ITPKA: variants seen among roughly 807,000 people sequenced by gnomAD.
ITPKA encodes the protein IP3 3-kinase A.
ITPKA carries 16 observed loss-of-function variants against 40.7 expected under a neutral mutation model. The observed-to-expected ratio is 0.39, with a 90% CI of 0.27 to 0.60. ITPKA has a LOEUF of 0.60. ITPKA is among the 20% of genes least tolerant of loss of function. The pLI is 0.50. For missense variants in ITPKA, 540 were observed against 649.3 expected (o/e 0.83, Z 1.83); for synonymous variants, 313 against 289.9 (o/e 1.08, Z -0.81).
chr15:41,502,013 G>A lies in ITPKA; in HGVS notation c.820G>A (p.Glu274Lys). 6.2e-7 allele frequency: 1 copy of A among 1,613,278 alleles called. No homozygotes were observed. Among genetic ancestry groups the A allele is most frequent in the Non-Finnish European group, 8.5e-7 (1 of 1,179,936 alleles). ...CCCCCACAGGACTTACCTAGAGGAG[G>A]AGCTGACCAAGGCCCGTGAGCGGCC... ...KMGVRTYLEE[E>K]LTKARERPKL... Residue 274 changes from glutamate (E) to lysine (K), a missense_variant, in exon 4 of 7, where the codon GAG (glutamate) becomes AAG (lysine). Glu to Lys is a moderately conservative substitution (Grantham distance 56). Transcript: ENST00000260386.
chr15:41,501,976 C>G, intron 3 of ITPKA, 21 bp from the exon 4 acceptor site: 1 of 1,608,194 alleles, frequency 6.2e-7, no homozygotes, highest in East Asian at 2.2e-5. Flanking sequence ...CATGCCCTGG[C>G]CGCTGCCTGC....
At chr15:41,498,987 TA>T (rs991094780) in intron 1 of ITPKA, among the ~76,000 whole-genome samples, 2 of 152,054 alleles carry the variant, frequency 1.3e-5, no homozygotes. Flanking sequence ...TTTCCTTCTG[TA>T]AAATGGGAAT....
intron 1 of ITPKA, among the ~76,000 whole-genome samples, chr15:41,499,482 C>T (rs1175346857): frequency 6.6e-6 from 1 of 152,214 alleles, no homozygotes; most frequent in Non-Finnish European, 1.5e-5. Flanking sequence ...TGGGTTCACT[C>T]AGCTGGAAGG....
Position 41,494,685 on chromosome 15 carries a change from T to G in ITPKA, c.489+269T>G, listed in dbSNP as rs2051057741. On this transcript the variant is annotated intron_variant, in intron 1 of 6. Coordinates refer to ENST00000260386, the MANE Select transcript of ITPKA (RefSeq NM_002220.3). The surrounding 1 kb of genome is among the most constrained non-coding windows in gnomAD (Gnocchi z 7.8). ...GGAGCAGGCGACCCGCCGCGGGGAC[T>G]GGGCGAAGCGGGGGTAGCGGACCTT... Among the ~76,000 whole-genome samples, 1 of 152,172 alleles carries G rather than the reference T, an allele frequency of 6.6e-6. No homozygotes were observed. The highest frequency in any genetic ancestry group is 2.4e-5 in the African/African-American group (1 of 41,454).
rs892879446 is a variant in ITPKA at position 41,501,218 on chromosome 15, G to C, written c.490-245G>C. The C allele has an allele frequency of 4.4e-6, 3 of 686,974 alleles. No individual in the cohort carries two copies. In the African/African-American group the frequency reaches 5.8e-5, roughly 13 times the overall value. 42.6% of individuals were successfully genotyped at this position (686,974 alleles called of 1,614,324 possible). A position where few individuals can be genotyped will look rare whatever the true frequency, so the allele number is the denominator to read the frequency against. Reference sequence around the variant, plus strand: ...GCTGGAGCGCAAACCGGGGGCTTCAGATGCTAAGTCCAGGCTCTTGACAGC... The same window carrying C: ...GCTGGAGCGCAAACCGGGGGCTTCACATGCTAAGTCCAGGCTCTTGACAGC... On this transcript the variant is annotated intron_variant, in intron 1 of 6. Transcript: ENST00000260386.
chr15:41,497,578 A>AAGG (rs2051082581), intron 1 of ITPKA, among the ~76,000 whole-genome samples: 1 of 152,192 alleles, frequency 6.6e-6, no homozygotes, highest in Admixed American at 6.5e-5. Flanking sequence ...TATCTCCCTA[A>AAGG]GGTGGAAGGT....
At position 41,495,612 on chromosome 15, in the gene ITPKA, C is replaced by CCTT. The variant is rs532790498; in HGVS notation, c.489+1201_489+1203dup. ...GCTCGGTCACTAGCCTGCCGCTTCCCCTTCTTCCCCGGTGGTCAGAGCAGC... is the reference window on the plus strand; with the variant it reads ...GCTCGGTCACTAGCCTGCCGCTTCCCCTTCTTCTTCCCCGGTGGTCAGAGCAGC... On this transcript the variant is annotated intron_variant, in intron 1 of 6. Transcript: ENST00000260386. Among the ~76,000 whole-genome samples the CCTT allele has an allele frequency of 3.6e-3, 544 of 152,320 alleles. 5 individuals are homozygous for CCTT. Among genetic ancestry groups the CCTT allele is most frequent in the South Asian group, 0.017 (82 of 4,832 alleles).
At position 41,503,542 on chromosome 15, in the gene ITPKA, AAAGAC is replaced by A. The variant is rs754167198; in HGVS notation, c.*381_*385del. On this transcript the variant is annotated 3_prime_UTR_variant, in exon 7 of 7. Transcript: ENST00000260386. ...CGGACTCCCCTTCCTAATAAAACTC[AAAGAC>A]AAGATGCAGCTTCCTGTGCCTCAGG... The A allele has an allele frequency of 1.0e-5, 6 of 575,856 alleles. No homozygotes were observed. In the East Asian group the frequency reaches 2.6e-4, roughly 25 times the overall value. The allele number at this position is 575,856 out of a possible 1,614,324, so 35.7% of individuals were successfully genotyped here.
rs1273527132 is a variant in ITPKA at position 41,503,093 on chromosome 15, G to A, written c.1313G>A (p.Gly438Asp). The A allele has an allele frequency of 6.9e-6, 11 of 1,605,338 alleles. No individual in the cohort carries two copies. The highest frequency in any genetic ancestry group is 9.4e-6 in the Non-Finnish European group (11 of 1,173,186). The change falls in exon 7 of 7, where the codon GGC becomes GAC. Residue 438 changes from glycine (G) to aspartate (D), a missense_variant. Physicochemically the swap from Gly to Asp is moderately conservative, Grantham distance 94. Transcript: ENST00000260386. The part of the protein sequence containing the change: ...ILDHRRPWEE[G>D]NREDGYLLGL... Reference sequence around the variant, plus strand: ...GACCACCGGCGGCCCTGGGAGGAGGGCAACCGCGAGGACGGCTATTTGCTG... The same window carrying A: ...GACCACCGGCGGCCCTGGGAGGAGGACAACCGCGAGGACGGCTATTTGCTG...
chr15:41,500,068 C>T (rs992603021), intron 1 of ITPKA, among the ~76,000 whole-genome samples: 1 of 152,186 alleles, frequency 6.6e-6, no homozygotes, highest in Non-Finnish European at 1.5e-5. Flanking sequence ...TCAAGCGATT[C>T]TCCTGCCTCA....
Position 41,502,388 on chromosome 15 carries a change from T to TG in ITPKA, c.1009-13dup, listed in dbSNP as rs768312568. ...GCGGGCCCGGGGCCCCTGACACTCC[T>TG]GTCCCACATCCAGAAAGCGGACGGC... On this transcript the variant is annotated splice_polypyrimidine_tract_variant and intron_variant, in intron 4 of 6. Transcript: ENST00000260386. 1.1e-5 allele frequency: 18 copies of TG among 1,574,232 alleles called. No homozygotes were observed. Among genetic ancestry groups the TG allele is most frequent in the Non-Finnish European group, 1.6e-5 (18 of 1,145,562 alleles).
At chr15:41,498,901 G>A (rs1233726631) in intron 1 of ITPKA, among the ~76,000 whole-genome samples, 2 of 152,226 alleles carry the variant, frequency 1.3e-5, no homozygotes, top group Admixed American at 6.5e-5. Context: ...AACTTGGGGA[G>A]GGAGGATGGG....
rs768513082 is a variant in ITPKA, at chr15:41,501,485, G to A, written c.512G>A (p.Arg171Gln). 13 of 1,608,840 alleles carry A rather than the reference G, an allele frequency of 8.1e-6. No homozygotes were observed. Among genetic ancestry groups the A allele is most frequent in the Non-Finnish European group, 1.0e-5 (12 of 1,177,966 alleles). ...CAGAAAAACCACTGGCAGAAGATCC[G>A]GACCATGGTCAATCTGCCGGTCATA... ...VGQKNHWQKI[R>Q]TMVNLPVISP... is the part of the protein sequence containing the mutation. Residue 171 changes from arginine to glutamine, a missense_variant, in exon 2 of 7, where the codon CGG becomes CAG. Physicochemically the swap from Arg to Gln is conservative, Grantham distance 43 (BLOSUM62 1). Transcript: ENST00000260386.
chr15:41,502,426 G>A lies in ITPKA; in HGVS notation c.1033G>A (p.Asp345Asn), dbSNP rs2051122880. Reference sequence around the variant, plus strand: ...GAAAGCGGACGGCTCCTGCAGCACCGACTTCAAGACTACGCGAAGCCGAGA... The same window carrying A: ...GAAAGCGGACGGCTCCTGCAGCACCAACTTCAAGACTACGCGAAGCCGAGA... ...IKKADGSCST[D>N]FKTTRSREQV... The change falls in exon 5 of 7, where the codon GAC becomes AAC. Residue 345 changes from aspartate (D) to asparagine (N), a missense_variant. By Grantham distance (23) the Asp-to-Asn change is conservative. Coordinates refer to ENST00000260386, the MANE Select transcript of ITPKA (RefSeq NM_002220.3). The A allele has an allele frequency of 1.2e-6, 2 of 1,603,282 alleles. No individual in the cohort carries two copies. Among genetic ancestry groups the A allele is most frequent in the Non-Finnish European group, 1.7e-6 (2 of 1,171,160 alleles).
In ITPKA at chr15:41,494,143, G is replaced by T; in HGVS notation, c.216G>T (p.Arg72=). Residue 72 remains arginine (R), a synonymous_variant, in exon 1 of 7, where the codon CGG becomes CGT. Coordinates refer to ENST00000260386, the MANE Select transcript of ITPKA (RefSeq NM_002220.3). This position sits in a 1 kb window ranked among gnomAD's most constrained non-coding sequence, Gnocchi z 7.8. ...RGGQVPNGLP[R]APPAPVIPQL... ...GACAGGTCCCCAACGGGCTTCCGCGGGCTCCCCCGGCCCCGGTGATCCCTC... is the reference window on the plus strand; with the variant it reads ...GACAGGTCCCCAACGGGCTTCCGCGTGCTCCCCCGGCCCCGGTGATCCCTC... 1 of 1,460,206 alleles carries T rather than the reference G, an allele frequency of 6.8e-7. No individual in the cohort carries two copies. The highest frequency in any genetic ancestry group is 9.0e-7 in the Non-Finnish European group (1 of 1,108,176). The allele number at this position is 1,460,206 out of a possible 1,614,324, so 90.5% of individuals were successfully genotyped here. A position where few individuals can be genotyped will look rare whatever the true frequency, so the allele number is the denominator to read the frequency against.
intron 1 of ITPKA, 161 bp from the exon 2 acceptor site, chr15:41,501,302 G>T (rs1028878262): frequency 4.2e-5 from 61 of 1,444,564 alleles, no homozygotes; most frequent in Non-Finnish European, 5.3e-5. Context: ...CCACACAGGC[G>T]CACAAATAAA....
In ITPKA at chr15:41,503,124, G is replaced by A. The variant is rs2051134258; in HGVS notation, c.1344G>A (p.Leu448=). ...GCGAGGACGGCTATTTGCTGGGGCT[G>A]GACAATCTCATTGGCATCCTGGCCA... ...GNREDGYLLG[L]DNLIGILASL... The change falls in exon 7 of 7, where the codon CTG becomes CTA. Residue 448 remains leucine (L), a synonymous_variant. Coordinates refer to ENST00000260386, the MANE Select transcript of ITPKA (RefSeq NM_002220.3). 4.4e-6 allele frequency: 7 copies of A among 1,598,232 alleles called. No individual in the cohort carries two copies. Among genetic ancestry groups the A allele is most frequent in the Non-Finnish European group, 6.0e-6 (7 of 1,167,376 alleles).
rs373335091 is a variant in ITPKA at position 41,502,333 on chromosome 15, C to T, written c.1009-69C>T. The T allele has an allele frequency of 1.1e-4, 158 of 1,381,456 alleles. 1 individual carries two copies. The highest frequency in any genetic ancestry group is 8.8e-4 in the East Asian group (38 of 43,328). 85.6% of individuals were successfully genotyped at this position (1,381,456 alleles called of 1,614,324 possible). The stretch of plus-strand genomic sequence containing the variant: ...GCCGTCCCCTGCAACTGGGAGGTAC[C>T]GCTGCTCTACGCTGTCCTCTTCCCC... On this transcript the variant is annotated intron_variant, in intron 4 of 6. Transcript: ENST00000260386.
Position 41,501,206 on chromosome 15 carries a change from C to A in ITPKA, c.490-257C>A, listed in dbSNP as rs528265226. The A allele has an allele frequency of 6.2e-5, 34 of 544,040 alleles. No individual in the cohort carries two copies. In the Middle Eastern group the frequency reaches 2.7e-3, roughly 44 times the overall value. The allele number at this position is 544,040 out of a possible 1,614,324, so 33.7% of individuals were successfully genotyped here. On this transcript the variant is annotated intron_variant, in intron 1 of 6. Transcript: ENST00000260386. ...TTCAGTGGCAGAGCTGGAGCGCAAA[C>A]CGGGGGCTTCAGATGCTAAGTCCAG... is the stretch of plus-strand genomic sequence containing the variant.
Sources: allele counts gnomAD v4.1 joint callset (sites outside exome capture counted in the v4.1 genomes callset), GRCh38; gene constraint gnomAD v4.1.1; non-coding constraint Gnocchi (gnomAD v3.1); transcripts MANE v1.5; gene names NCBI Gene and HGNC (gene_info 2026-07-23, HGNC 2026-07-21).